The following NFKB1 variants were observed in gnomAD, a reference collection of about 807,000 sequenced individuals.
The protein encoded by NFKB1 is nuclear factor NF-kappa-B p105 subunit.
In NFKB1, 9 loss-of-function variants were observed where a neutral mutation model predicts 105.1. The ratio of observed to expected loss-of-function variants is 0.09; its 90% CI spans 0.05 to 0.15. The LOEUF is 0.15. Ranked by LOEUF, NFKB1 falls within the 10% of genes least tolerant of loss-of-function variation. NFKB1 has a pLI of 1.00. For synonymous variants in NFKB1, 440 were observed against 442.2 expected, an observed-to-expected ratio of 1.00 and a Z score of 0.06; for missense variants, 830 against 1,203.7, an observed-to-expected ratio of 0.69 and a Z score of 4.59.
chr4:102,577,950 C>T (rs951945851), intron 7 of NFKB1: 17 of 985,278 alleles, frequency 1.7e-5, no homozygotes, highest in African/African-American at 5.2e-5. Context: ...TCCGTGTCTC[C>T]GTTTTGCCTA....
intron 15 of NFKB1, among the ~76,000 whole-genome samples, chr4:102,598,873 GA>G (rs996587730): frequency 6.6e-6 from 1 of 152,164 alleles, no homozygotes; most frequent in African/African-American, 2.4e-5. Context: ...TCCCTCCTAA[GA>G]CCCAAGCACA....
At chr4:102,534,005 A>G in intron 4 of NFKB1, 120 bp downstream of exon 4, 1 of 819,428 alleles carries the variant, frequency 1.2e-6, no homozygotes, top group Non-Finnish European at 2.0e-6. Context: ...AAGATCAACA[A>G]CCTGACAAAT....
chr4:102,589,915 G>A (rs1726032496), intron 11 of NFKB1, among the ~76,000 whole-genome samples: 1 of 152,152 alleles, frequency 6.6e-6, no homozygotes, highest in South Asian at 2.1e-4. Context: ...GGCAGTAACG[G>A]AACTCAAAAG....
chr4:102,535,045 G>T (rs1741547402), intron 4 of NFKB1, among the ~76,000 whole-genome samples: 1 of 152,142 alleles, frequency 6.6e-6, no homozygotes, highest in Non-Finnish European at 1.5e-5. Context: ...TCTAGTTCTT[G>T]CAGGTGTCAC....
intron 5 of NFKB1, among the ~76,000 whole-genome samples, chr4:102,554,771 A>G (rs998842575): frequency 2.6e-5 from 4 of 152,156 alleles, no homozygotes; most frequent in African/African-American, 9.7e-5. Flanking sequence ...CCAGGGCAGT[A>G]CATCTCTGAG....
chr4:102,542,036 C>A (rs1050385892), intron 5 of NFKB1, among the ~76,000 whole-genome samples: 3 of 152,104 alleles, frequency 2.0e-5, no homozygotes, highest in African/African-American at 4.8e-5. Flanking sequence ...CTGTAGACAC[C>A]AAACTATACT....
chr4:102,556,657 A>G (rs1723009868), intron 5 of NFKB1, among the ~76,000 whole-genome samples: 1 of 152,214 alleles, frequency 6.6e-6, no homozygotes, highest in African/African-American at 2.4e-5. Context: ...TACATTTGCA[A>G]AGGGCCTCAG....
At chr4:102,607,912 G>A (rs928836116) in intron 19 of NFKB1, among the ~76,000 whole-genome samples, 161 bp downstream of exon 19, 2 of 152,184 alleles carry the variant, frequency 1.3e-5, no homozygotes, top group African/African-American at 4.8e-5. Flanking sequence ...TCTGCCATAA[G>A]GCACTGTTTG....
intron 6 of NFKB1, 99 bp downstream of exon 6, chr4:102,567,234 G>A: frequency 7.8e-7 from 1 of 1,288,554 alleles, no homozygotes; most frequent in Admixed American, 2.1e-5. Flanking sequence ...GGACCTTTCT[G>A]AGACCCTCAG....
At chr4:102,551,347 G>GGTGTGTGTGTGTGTGCGCGCGCGCGCAT (rs1553931269) in intron 5 of NFKB1, among the ~76,000 whole-genome samples, 41 of 139,102 alleles carry the variant, frequency 2.9e-4, no homozygotes, top group African/African-American at 1.1e-3. Context: ...ATTCTAAATT[G>GGTGTGTGTGTGTGTGCGCGCGCGCGCAT]GTGTGTGTGT....
rs372887311 is a variant in NFKB1, at chr4:102,604,499, TTGTG to T, written c.1753-1993_1753-1990del. 3.5e-3 allele frequency among the ~76,000 whole-genome samples: 530 copies of T among 152,222 alleles called. 3 individuals carry two copies. The highest frequency in any genetic ancestry group is 0.012 in the African/African-American group (507 of 41,536). ...CAGATTTCACCAGTTTTACACACAC[TTGTG>T]TGTATCTGTATAGTTCTTTGTGCAT... On this transcript the variant is annotated intron_variant, in intron 16 of 23. Coordinates refer to ENST00000226574, the MANE Select transcript of NFKB1 (RefSeq NM_003998.4).
chr4:102,509,900 G>A (rs772274438), intron 1 of NFKB1, among the ~76,000 whole-genome samples: 15 of 152,148 alleles, frequency 9.9e-5, no homozygotes, highest in Non-Finnish European at 1.6e-4. Flanking sequence ...AGTGTAAATC[G>A]GATCATGTCT....
At chr4:102,603,587 G>T (rs1035427750) in intron 16 of NFKB1, among the ~76,000 whole-genome samples, 1 of 152,110 alleles carries the variant, frequency 6.6e-6, no homozygotes, top group African/African-American at 2.4e-5. Context: ...GGCTTCCCTA[G>T]TATGCCTTCT....
intron 6 of NFKB1, among the ~76,000 whole-genome samples, chr4:102,573,577 A>T (rs1016976411): frequency 6.6e-6 from 1 of 151,866 alleles, no homozygotes; most frequent in Non-Finnish European, 1.5e-5. Flanking sequence ...CTCTGGGTTT[A>T]TATATTTAGT....
chr4:102,543,352 A>C (rs1308069567), intron 5 of NFKB1, among the ~76,000 whole-genome samples: 1 of 152,132 alleles, frequency 6.6e-6, no homozygotes, highest in Non-Finnish European at 1.5e-5. Flanking sequence ...CCAGAAATTG[A>C]CAAGAATGAC....
At chr4:102,539,983 G>A (rs926012148) in intron 5 of NFKB1, among the ~76,000 whole-genome samples, 13 of 152,138 alleles carry the variant, frequency 8.5e-5, no homozygotes, top group Non-Finnish European at 1.8e-4. Context: ...GCCAGGCCCA[G>A]CACTTACCTT....
At chr4:102,582,736 C>G in intron 9 of NFKB1, 130 bp from the exon 10 acceptor site, 1 of 530,410 alleles carries the variant, frequency 1.9e-6, no homozygotes, top group Non-Finnish European at 3.2e-6. Flanking sequence ...AAGACTGAAC[C>G]TTTTGATCTT....
At chr4:102,588,409 A>C (rs1180404061) in intron 11 of NFKB1, among the ~76,000 whole-genome samples, 1 of 152,150 alleles carries the variant, frequency 6.6e-6, no homozygotes, top group African/African-American at 2.4e-5. Flanking sequence ...TGATTGGCAG[A>C]GGAGGAAGAT....
At chr4:102,552,288 T>C (rs1722677917) in intron 5 of NFKB1, among the ~76,000 whole-genome samples, 1 of 152,176 alleles carries the variant, frequency 6.6e-6, no homozygotes, top group Admixed American at 6.5e-5. Context: ...TCTTCAAATA[T>C]ATGAATGGCT....
Sources: allele counts gnomAD v4.1 joint callset (sites outside exome capture counted in the v4.1 genomes callset), GRCh38; gene constraint gnomAD v4.1.1; transcripts MANE v1.5; gene names NCBI Gene and HGNC (gene_info 2026-07-23, HGNC 2026-07-21).